PAK3: variants seen among roughly 807,000 people sequenced by gnomAD.
PAK3 encodes the protein p21 (RAC1) activated kinase 3.
A neutral mutation model predicts 41.0 loss-of-function variants in PAK3; 4 were observed. That is an observed-to-expected ratio of 0.10 (90% CI 0.05 to 0.22). The LOEUF (loss-of-function observed/expected upper bound fraction) is 0.22. Ranked by LOEUF, PAK3 falls within the 10% of genes least tolerant of loss-of-function variation. The probability of loss-of-function intolerance (pLI) is 1.00; values close to 1 mark genes in which losing one functional copy is unlikely to be tolerated. For synonymous variants in PAK3, 146 were observed against 139.6 expected (o/e 1.05, Z -0.32); for missense variants, 205 against 409.9 (o/e 0.50, Z 4.32).
chrX:111,181,035 T>G (rs7063868), intron 11 of PAK3, among the ~76,000 whole-genome samples: 1 of 111,336 alleles, frequency 9.0e-6, no homozygotes, highest in East Asian at 2.8e-4. Flanking sequence ...CCGGTTTGCC[T>G]GCACCTTTGC....
intron 1 of PAK3, among the ~76,000 whole-genome samples, chrX:111,081,217 G>T (rs2148839495): frequency 9.0e-6 from 1 of 111,651 alleles, no homozygotes; most frequent in Non-Finnish European, 1.9e-5. Flanking sequence ...TGCTGGCCAG[G>T]TACGGTGGCT....
rs780534003 is a variant in PAK3 at position 110,993,659 on chromosome X, A to G, written c.-28+49031A>G. On this transcript the variant is annotated intron_variant, in intron 1 of 14. Transcript: ENST00000425146. ...AAAATTCTGAGACAAATTCAAATGC[A>G]TGGCTAAATCCAAGATATGTTGTCA... is the stretch of plus-strand genomic sequence containing the variant. 3.9e-4 allele frequency among the ~76,000 whole-genome samples: 44 copies of G among 112,330 alleles called. No homozygotes were observed. The South Asian group carries it at 5.2e-3, about 13-fold the overall frequency.
chrX:111,037,201 T>A (rs1304585852), intron 1 of PAK3, among the ~76,000 whole-genome samples: 4 of 111,858 alleles, frequency 3.6e-5, no homozygotes, highest in Admixed American at 2.9e-4. Context: ...CACCTCAGCC[T>A]CTCAAAGTGC....
chrX:111,196,071 A>C (rs1030445731), intron 15 of PAK3, 130 bp downstream of exon 15: 2 of 535,033 alleles, frequency 3.7e-6, no homozygotes, highest in Non-Finnish European at 3.3e-6. Flanking sequence ...TGAAGTAAAG[A>C]ATTTTTCTAA....
chrX:111,007,010 C>G (rs899495982), intron 1 of PAK3, among the ~76,000 whole-genome samples: 4 of 108,852 alleles, frequency 3.7e-5, no homozygotes, highest in Admixed American at 3.0e-4. Context: ...TACCATGCCC[C>G]CCTGAGATTC....
chrX:111,090,235 C>G (rs2092920001), intron 1 of PAK3, among the ~76,000 whole-genome samples: 1 of 111,112 alleles, frequency 9.0e-6, no homozygotes, highest in African/African-American at 3.3e-5. Context: ...AATGAAGCCC[C>G]TTGAAGAGAG....
At chrX:111,073,079 G>A (rs1162658831) in intron 1 of PAK3, among the ~76,000 whole-genome samples, 1 of 111,077 alleles carries the variant, frequency 9.0e-6, no homozygotes, top group African/African-American at 3.3e-5. Context: ...GTCTAGCGGG[G>A]GCCTCCATGT....
intron 10 of PAK3, among the ~76,000 whole-genome samples, chrX:111,170,506 T>G (rs2094324273): frequency 9.0e-6 from 1 of 111,514 alleles, no homozygotes; most frequent in African/African-American, 3.3e-5. Context: ...TAAATTAGCA[T>G]GAAGTATTAT....
intron 8 of PAK3, among the ~76,000 whole-genome samples, chrX:111,161,175 G>A (rs1342829187): frequency 4.5e-5 from 5 of 111,782 alleles, no homozygotes; most frequent in Non-Finnish European, 7.5e-5. Context: ...TTGTGAGATG[G>A]TATCTCACTG....
rs2093594495 is a variant in PAK3, at chrX:111,122,575, T to C, written c.-27-502T>C. On this transcript the variant is annotated intron_variant, in intron 4 of 17. Coordinates refer to ENST00000372007, the MANE Select transcript of PAK3 (RefSeq NM_002578.5). ...CATAAAAACAGGAGAGTGCATTTTG[T>C]GACTGAGGTACACACATGTAAGAAA... is the stretch of plus-strand genomic sequence containing the variant. Among the ~76,000 whole-genome samples the C allele has an allele frequency of 2.7e-5, 3 of 111,285 alleles. No individual in the cohort carries two copies. The South Asian group carries it at 1.2e-3, about 43-fold the overall frequency.
intron 5 of PAK3, among the ~76,000 whole-genome samples, chrX:111,140,957 C>T (rs180826666): frequency 6.5e-4 from 73 of 111,986 alleles, no homozygotes; most frequent in Non-Finnish European, 2.1e-4. Flanking sequence ...GTAATTCAGG[C>T]CAAGGCAACA....
At chrX:110,948,781 C>A (rs1379087972) in intron 1 of PAK3, among the ~76,000 whole-genome samples, 2 of 111,634 alleles carry the variant, frequency 1.8e-5, no homozygotes, top group African/African-American at 3.3e-5. Flanking sequence ...TGCATGAAAG[C>A]AGCAAGCTTC....
At chrX:111,217,938 A>T (rs1163015726) in intron 17 of PAK3, among the ~76,000 whole-genome samples, 3 of 112,766 alleles carry the variant, frequency 2.7e-5, no homozygotes, top group Non-Finnish European at 5.6e-5. Context: ...TAAATCAATT[A>T]TCTAGTTAAT....
intron 1 of PAK3, among the ~76,000 whole-genome samples, chrX:111,044,478 G>C (rs1291209797): frequency 1.8e-5 from 2 of 112,013 alleles, no homozygotes; most frequent in Admixed American, 1.9e-4. Context: ...GTGGTGTCAA[G>C]ATTCCTGGTC....
chrX:111,220,840 C>T lies in PAK3; in HGVS notation c.*393C>T, dbSNP rs2094921838. ...TCTTGCATTCAAACCTCCTTCAAAA[C>T]TCCTTACCCAATGTGATGTTTTTCA... On this transcript the variant is annotated 3_prime_UTR_variant, in exon 18 of 18. Transcript: ENST00000372007. The T allele has an allele frequency of 8.1e-6, 1 of 124,196 alleles. No homozygotes were observed. The highest frequency in any genetic ancestry group is 8.8e-5 in the Admixed American group (1 of 11,365). 10.2% of individuals were successfully genotyped at this position (124,196 alleles called of 1,213,427 possible).
Position 111,216,571 on chromosome X carries a change from T to C in PAK3, c.1545+13T>C. 6 of 1,172,806 alleles carry C rather than the reference T, an allele frequency of 5.1e-6. No individual in the cohort carries two copies. The highest frequency in any genetic ancestry group is 7.0e-6 in the Non-Finnish European group (6 of 860,382). ...GGAGCTTTTGCAGGTGAAAATAAAA[T>C]AGGACAATTACAAAGAGAGGCATTA... On this transcript the variant is annotated intron_variant, in intron 17 of 17. Coordinates refer to ENST00000372007, the MANE Select transcript of PAK3 (RefSeq NM_002578.5).
chrX:110,992,653 C>CCAGTT (rs1556424841), intron 1 of PAK3, among the ~76,000 whole-genome samples: 1 of 108,370 alleles, frequency 9.2e-6, no homozygotes, highest in Non-Finnish European at 1.9e-5. Flanking sequence ...GAAAGGGACT[C>CCAGTT]AGTGCAATTC....
chrX:111,212,496 A>G (rs1250785936), intron 16 of PAK3, among the ~76,000 whole-genome samples: 1 of 111,670 alleles, frequency 9.0e-6, no homozygotes. Flanking sequence ...TTCCCATAGA[A>G]GTGGCATTAT....
chrX:111,157,486 C>G (rs979415301), intron 8 of PAK3, among the ~76,000 whole-genome samples: 1 of 111,398 alleles, frequency 9.0e-6, no homozygotes, highest in South Asian at 3.8e-4. Flanking sequence ...CGGGACCCAA[C>G]TCAGGTTAAG....
Sources: allele counts gnomAD v4.1 joint callset (sites outside exome capture counted in the v4.1 genomes callset), GRCh38; gene constraint gnomAD v4.1.1; transcripts MANE v1.5; gene names NCBI Gene and HGNC (gene_info 2026-07-23, HGNC 2026-07-21).